Variants in CDKAL1 observed in about 807,000 individuals in gnomAD.
The protein encoded by CDKAL1 is CDKAL1 threonylcarbamoyladenosine tRNA methylthiotransferase, also known as threonylcarbamoyladenosine tRNA methylthiotransferase.
Under a neutral mutation model 68.2 loss-of-function variants are expected in CDKAL1, and 32 were observed. That is an observed-to-expected ratio of 0.47 (90% CI 0.35 to 0.63). The LOEUF is 0.63. CDKAL1 is among the 30% of genes least tolerant of loss of function. The probability of loss-of-function intolerance (pLI) is 0.00; values close to 1 mark genes in which losing one functional copy is unlikely to be tolerated. For synonymous variants in CDKAL1, 234 were observed against 244.3 expected, an observed-to-expected ratio of 0.96 and a Z score of 0.39; for missense variants, 606 against 696.7, an observed-to-expected ratio of 0.87 and a Z score of 1.47.
intron 5 of CDKAL1, chr6:20,723,511 G>C (rs1386797524): frequency 1.3e-5 from 2 of 156,390 alleles, no homozygotes; most frequent in Non-Finnish European, 2.8e-5. Context: ...AGGCCGAGTA[G>C]AGGGGGCACC....
chr6:20,817,734 G>A (rs1777104406), intron 8 of CDKAL1, among the ~76,000 whole-genome samples: 1 of 152,076 alleles, frequency 6.6e-6, no homozygotes, highest in African/African-American at 2.4e-5. Flanking sequence ...ATAGTGATAT[G>A]GTGTCTTCTA....
At chr6:20,901,092 T>A (rs1561869484) in intron 9 of CDKAL1, among the ~76,000 whole-genome samples, 1 of 152,082 alleles carries the variant, frequency 6.6e-6, no homozygotes, top group Non-Finnish European at 1.5e-5. Flanking sequence ...TGGTGCTTGC[T>A]CTGTGTGGGT....
intron 4 of CDKAL1, among the ~76,000 whole-genome samples, chr6:20,612,632 C>T (rs929213984): frequency 6.6e-6 from 1 of 151,658 alleles, no homozygotes; most frequent in Non-Finnish European, 1.5e-5. Context: ...TTATATATTC[C>T]GCTTATTAAT....
chr6:20,608,944 A>C (rs1054553404), intron 4 of CDKAL1, among the ~76,000 whole-genome samples: 4 of 152,230 alleles, frequency 2.6e-5, no homozygotes, highest in Non-Finnish European at 5.9e-5. Flanking sequence ...AAACCTTTAC[A>C]GGAATGATTT....
chr6:20,735,989 C>T (rs990323012), intron 5 of CDKAL1, among the ~76,000 whole-genome samples: 6 of 152,222 alleles, frequency 3.9e-5, no homozygotes, highest in African/African-American at 1.2e-4. Context: ...AATCTATCCT[C>T]ACTTATTCTC....
chr6:20,758,556 G>T (rs765821380), intron 6 of CDKAL1, 39 bp from the exon 7 acceptor site: 2 of 1,579,852 alleles, frequency 1.3e-6, no homozygotes, highest in Non-Finnish European at 8.6e-7. Flanking sequence ...TTGTTTCTTC[G>T]TGTAAATTAC....
chr6:21,184,755 A>C (rs532679998), intron 13 of CDKAL1, among the ~76,000 whole-genome samples: 1 of 151,654 alleles, frequency 6.6e-6, no homozygotes, highest in East Asian at 1.9e-4. Context: ...GGCACAAGCA[A>C]TCCTCCCACC....
At chr6:20,762,483 A>G (rs938527938) in intron 7 of CDKAL1, among the ~76,000 whole-genome samples, 5 of 152,162 alleles carry the variant, frequency 3.3e-5, no homozygotes, top group African/African-American at 1.2e-4. Context: ...CTCTTAGTTA[A>G]TAGAGAACTG....
chr6:20,830,459 G>A (rs961460511), intron 8 of CDKAL1, among the ~76,000 whole-genome samples: 3 of 143,726 alleles, frequency 2.1e-5, no homozygotes, highest in African/African-American at 8.1e-5. Context: ...TGTATGATAT[G>A]TTTCAGAAAG....
intron 11 of CDKAL1, among the ~76,000 whole-genome samples, chr6:21,042,814 G>A (rs543612662): frequency 3.0e-4 from 46 of 152,104 alleles, no homozygotes; most frequent in African/African-American, 1.1e-3. Context: ...CTATATGCTG[G>A]TCCTAACCTC....
intron 4 of CDKAL1, among the ~76,000 whole-genome samples, chr6:20,565,302 T>G (rs1464339639): frequency 1.3e-5 from 2 of 152,146 alleles, no homozygotes; most frequent in African/African-American, 4.8e-5. Context: ...TTCTACTGTT[T>G]CCTTTACTTA....
rs114330596 is a variant in CDKAL1 at position 21,050,093 on chromosome 6, T to C, written c.1056-14955T>C. On this transcript the variant is annotated intron_variant, in intron 11 of 15. Coordinates refer to ENST00000274695, the MANE Select transcript of CDKAL1 (RefSeq NM_017774.3). Reference sequence around the variant, plus strand: ...CTGAATAACCCATCTAGGTTTTTATTTTTGCTTATTAAAAGTTTTATTACT... The same window carrying C: ...CTGAATAACCCATCTAGGTTTTTATCTTTGCTTATTAAAAGTTTTATTACT... 9.6e-3 allele frequency among the ~76,000 whole-genome samples: 1,468 copies of C among 152,284 alleles called. 25 individuals are homozygous for C. Among genetic ancestry groups the C allele is most frequent in the African/African-American group, 0.034 (1,396 of 41,554 alleles).
At chr6:20,749,383 C>A (rs1773813824) in intron 6 of CDKAL1, among the ~76,000 whole-genome samples, 1 of 152,070 alleles carries the variant, frequency 6.6e-6, no homozygotes, top group South Asian at 2.1e-4. Flanking sequence ...GTTATTTCAG[C>A]CTCTCAGTCC....
In CDKAL1 at chr6:20,957,716, A is replaced by G. The variant is rs149157127; in HGVS notation, c.909+2131A>G. Among the ~76,000 whole-genome samples the G allele has an allele frequency of 1.9e-4, 29 of 152,252 alleles. No individual in the cohort carries two copies. In the East Asian group the frequency reaches 5.4e-3, roughly 28 times the overall value. On this transcript the variant is annotated intron_variant, in intron 10 of 15. Coordinates refer to ENST00000274695, the MANE Select transcript of CDKAL1 (RefSeq NM_017774.3). Reference sequence around the variant, plus strand: ...CCAGGCTCAGTGGCTCACACCTGTAATCCCAGCCCTTTGGGAGGCCGAGGC... The same window carrying G: ...CCAGGCTCAGTGGCTCACACCTGTAGTCCCAGCCCTTTGGGAGGCCGAGGC...
chr6:21,006,123 T>C (rs1767713984), intron 11 of CDKAL1, among the ~76,000 whole-genome samples: 1 of 152,196 alleles, frequency 6.6e-6, no homozygotes, highest in Admixed American at 6.5e-5. Flanking sequence ...ATTAACATCC[T>C]GAGTAATTTT....
intron 11 of CDKAL1, among the ~76,000 whole-genome samples, chr6:21,054,095 T>G (rs1377090330): frequency 6.6e-6 from 1 of 152,196 alleles, no homozygotes; most frequent in Non-Finnish European, 1.5e-5. Context: ...TATCTGACAT[T>G]CAGACTGTGA....
At chr6:21,093,134 A>T (rs1773130606) in intron 12 of CDKAL1, among the ~76,000 whole-genome samples, 1 of 152,190 alleles carries the variant, frequency 6.6e-6, no homozygotes, top group Non-Finnish European at 1.5e-5. Flanking sequence ...CCATGGACGC[A>T]GCATTATGGA....
intron 5 of CDKAL1, among the ~76,000 whole-genome samples, chr6:20,715,545 G>C (rs180773848): frequency 3.1e-4 from 47 of 152,300 alleles, no homozygotes; most frequent in African/African-American, 8.7e-4. Flanking sequence ...ATGAAGTGGT[G>C]ATTTCATCTT....
chr6:20,609,500 A>C (rs1333400741), intron 4 of CDKAL1, among the ~76,000 whole-genome samples: 1 of 149,670 alleles, frequency 6.7e-6, no homozygotes, highest in Admixed American at 6.7e-5. Flanking sequence ...GGTTCAAGTG[A>C]TTCTCCTGCC....
Sources: allele counts gnomAD v4.1 joint callset (sites outside exome capture counted in the v4.1 genomes callset), GRCh38; gene constraint gnomAD v4.1.1; transcripts MANE v1.5; gene names NCBI Gene and HGNC (gene_info 2026-07-23, HGNC 2026-07-21).